Variants in CERK observed in about 807,000 individuals in gnomAD.
CERK encodes ceramide kinase.
Under a neutral mutation model 63.4 loss-of-function variants are expected in CERK, and 39 were observed. That is an observed-to-expected ratio of 0.61 (90% CI 0.48 to 0.80). CERK has a LOEUF of 0.80. CERK is among the 30% of genes least tolerant of loss of function. The pLI is 0.00. For missense variants in CERK, 670 were observed against 714.1 expected (o/e 0.94, Z 0.70); for synonymous variants, 302 against 280.0 (o/e 1.08, Z -0.78).
At chr22:46,693,633 AT>A (rs1389448117) in intron 9 of CERK, 130 bp from the exon 10 acceptor site, 7 of 711,890 alleles carry the variant, frequency 9.8e-6, no homozygotes, top group Non-Finnish European at 1.4e-5. Context: ...TTAACAAAAT[AT>A]TTTTTGGCAT....
At chr22:46,700,655 G>C (rs112065010) in intron 7 of CERK, among the ~76,000 whole-genome samples, 2 of 152,224 alleles carry the variant, frequency 1.3e-5, no homozygotes, top group Non-Finnish European at 2.9e-5. Flanking sequence ...CGAGGCTACA[G>C]TGAGTCAAGA....
intron 3 of CERK, among the ~76,000 whole-genome samples, chr22:46,713,390 T>A (rs567648046): frequency 2.7e-5 from 4 of 149,450 alleles, no homozygotes; most frequent in Middle Eastern, 3.5e-3. Context: ...GCACCTGTAG[T>A]CCCAGCTACT....
chr22:46,720,232 T>A, intron 2 of CERK, 24 bp from the exon 3 acceptor site: 1 of 1,596,176 alleles, frequency 6.3e-7, no homozygotes, highest in South Asian at 1.1e-5. Context: ...AGCATGCTCG[T>A]TAGTGCAAAG....
At chr22:46,717,489 T>G (rs985453365) in intron 3 of CERK, among the ~76,000 whole-genome samples, 3 of 152,188 alleles carry the variant, frequency 2.0e-5, no homozygotes, top group African/African-American at 7.2e-5. Flanking sequence ...CGTGGAAAAT[T>G]TATGCAAGAC....
At chr22:46,716,966 A>C (rs2082869799) in intron 3 of CERK, among the ~76,000 whole-genome samples, 1 of 152,126 alleles carries the variant, frequency 6.6e-6, no homozygotes, top group East Asian at 1.9e-4. Context: ...AAAGAATGAA[A>C]GAAAGGAAGG....
intron 1 of CERK, among the ~76,000 whole-genome samples, chr22:46,729,164 A>C (rs9968040): frequency 0.012 from 1,879 of 152,182 alleles, 43 homozygotes; most frequent in African/African-American, 0.043. Context: ...GAAGATTGAG[A>C]CCAACCTGGA....
intron 5 of CERK, among the ~76,000 whole-genome samples, chr22:46,708,464 A>G (rs115763249): frequency 5.0e-4 from 76 of 152,360 alleles, no homozygotes; most frequent in African/African-American, 1.8e-3. Context: ...GTCCCGTCAG[A>G]AATCTCAGCC....
chr22:46,728,683 G>T (rs1383975190), intron 1 of CERK, among the ~76,000 whole-genome samples: 2 of 152,258 alleles, frequency 1.3e-5, no homozygotes, highest in Non-Finnish European at 2.9e-5. Context: ...CAAGATACAA[G>T]AAACAGGCAG....
chr22:46,734,654 T>A (rs957566365), intron 1 of CERK, among the ~76,000 whole-genome samples: 1 of 152,240 alleles, frequency 6.6e-6, no homozygotes, highest in Admixed American at 6.5e-5. Flanking sequence ...ATTTAGACCT[T>A]GATAAAATCG....
rs775279740 is a variant in CERK, at chr22:46,687,161, CTCT to C, written c.1584_1586del (p.Glu529del). 1 of 1,614,210 alleles carries C rather than the reference CTCT, an allele frequency of 6.2e-7. No homozygotes were observed. On this transcript the variant is annotated inframe_deletion, in exon 13 of 13. Transcript: ENST00000216264. ...AGCTGTGTGAGTCTGGCTTCGGATT[CTCT>C]TCAATTCCTCGTGCAAAGAGTCGAA...
chr22:46,692,547 A>G (rs2082737056), intron 10 of CERK, among the ~76,000 whole-genome samples: 1 of 151,906 alleles, frequency 6.6e-6, no homozygotes, highest in Admixed American at 6.6e-5. Context: ...GGTTGCAGTG[A>G]GCCGAGATCG....
chr22:46,695,738 C>T (rs2082752904), intron 8 of CERK, among the ~76,000 whole-genome samples: 1 of 152,252 alleles, frequency 6.6e-6, no homozygotes. Flanking sequence ...CCACTGGGGT[C>T]AGCCACAGCC....
chr22:46,731,824 A>T (rs1034873309), intron 1 of CERK, among the ~76,000 whole-genome samples: 2 of 152,224 alleles, frequency 1.3e-5, no homozygotes, highest in Non-Finnish European at 2.9e-5. Context: ...ACTTTGTAGC[A>T]GGGCAGGGTG....
intron 10 of CERK, 120 bp from the exon 11 acceptor site, chr22:46,691,897 T>G: frequency 1.5e-6 from 1 of 666,300 alleles, no homozygotes; most frequent in Non-Finnish European, 2.6e-6. Flanking sequence ...AGACACTTCA[T>G]GCAATCGACT....
chr22:46,733,834 G>A (rs368868057), intron 1 of CERK, among the ~76,000 whole-genome samples: 4 of 151,336 alleles, frequency 2.6e-5, no homozygotes, highest in Admixed American at 6.6e-5. Context: ...CTGAGGTCAG[G>A]AGTTCGAGAC....
chr22:46,736,321 G>A (rs1242458113), intron 1 of CERK, among the ~76,000 whole-genome samples: 1 of 152,270 alleles, frequency 6.6e-6, no homozygotes, highest in African/African-American at 2.4e-5. Context: ...CAGATGCCCT[G>A]TAAGGGTCTG....
intron 1 of CERK, among the ~76,000 whole-genome samples, chr22:46,734,867 C>A (rs1288199441): frequency 6.6e-6 from 1 of 152,164 alleles, no homozygotes; most frequent in Non-Finnish European, 1.5e-5. Context: ...CTTTTGTAAG[C>A]AGGAAAAACA....
chr22:46,693,979 G>A (rs187521602), intron 9 of CERK, among the ~76,000 whole-genome samples: 4 of 152,270 alleles, frequency 2.6e-5, no homozygotes, highest in Admixed American at 6.5e-5. Flanking sequence ...GATCTTGGGG[G>A]CTGCCGGATT....
intron 6 of CERK, among the ~76,000 whole-genome samples, chr22:46,702,309 T>A (rs2082790716): frequency 6.6e-6 from 1 of 151,004 alleles, no homozygotes; most frequent in East Asian, 1.9e-4. Flanking sequence ...TTTTTTTTTT[T>A]TCCGAGACGG....
Sources: gnomAD v4.1 joint callset for allele counts (sites outside exome capture counted in the v4.1 genomes callset) on GRCh38, gnomAD v4.1.1 for gene constraint, MANE v1.5 for transcripts, NCBI Gene and HGNC (gene_info 2026-07-23, HGNC 2026-07-21) for gene names.